MAP3K20: variants seen among roughly 807,000 people sequenced by gnomAD.
MAP3K20 encodes the protein HCCS-4.
In MAP3K20, 40 loss-of-function variants were observed where a neutral mutation model predicts 85.7. That is an observed-to-expected ratio of 0.47 (90% CI 0.36 to 0.61). The LOEUF is 0.61. Ranked by LOEUF, MAP3K20 falls within the 20% of genes least tolerant of loss-of-function variation. MAP3K20 has a pLI of 0.00. For missense variants in MAP3K20, 817 were observed against 961.7 expected (o/e 0.85, Z 1.99); for synonymous variants, 325 against 327.7 (o/e 0.99, Z 0.09).
At chr2:173,244,654 A>C (rs771494177) in intron 16 of MAP3K20, among the ~76,000 whole-genome samples, 1 of 152,188 alleles carries the variant, frequency 6.6e-6, no homozygotes, top group Non-Finnish European at 1.5e-5. Flanking sequence ...AAACCTATAT[A>C]AAACAGTCCT....
Position 173,214,095 on chromosome 2 carries a change from C to T in MAP3K20, c.852-3020C>T, listed in dbSNP as rs964901866. ...GGCAGAGCTTCCTCTACATACAGACCAGATGCAACTTGTATTTTTAGAAAA... is the reference window on the plus strand; with the variant it reads ...GGCAGAGCTTCCTCTACATACAGACTAGATGCAACTTGTATTTTTAGAAAA... On this transcript the variant is annotated intron_variant, in intron 10 of 19. Transcript: ENST00000375213. Among the ~76,000 whole-genome samples, 38 of 152,246 alleles carry T rather than the reference C, an allele frequency of 2.5e-4. 1 individual carries two copies. Among genetic ancestry groups the T allele is most frequent in the Non-Finnish European group, 2.1e-4 (14 of 68,016 alleles).
At chr2:173,136,245 G>T (rs138152234) in intron 2 of MAP3K20, among the ~76,000 whole-genome samples, 1 of 152,302 alleles carries the variant, frequency 6.6e-6, no homozygotes, top group East Asian at 1.9e-4. Flanking sequence ...TGGCACGGAG[G>T]AATGTGATTT....
rs755297753 is a variant in MAP3K20 at position 173,266,470 on chromosome 2, G to A, written c.2123G>A (p.Gly708Glu). The change falls in exon 20 of 20, where the codon GGA (glycine) becomes GAA (glutamate). Residue 708 changes from glycine (G) to glutamate (E), a missense_variant. This residue lies in a region of MAP3K20 where 454 missense variants were observed against 476.9 expected (regional missense o/e 0.95). Transcript: ENST00000375213. Reference protein sequence around the residue: ...GKSQHSTPSRGRYPGKFYRVS... With the variant: ...GKSQHSTPSRERYPGKFYRVS... The stretch of plus-strand genomic sequence containing the variant: ...AGTCAGCATTCCACTCCTTCAAGAG[G>A]AAGATACCCTGGAAAGTTCTACAGG... 1 of 1,614,114 alleles carries A rather than the reference G, an allele frequency of 6.2e-7. No homozygotes were observed. Among genetic ancestry groups the A allele is most frequent in the South Asian group, 1.1e-5 (1 of 91,080 alleles).
intron 2 of MAP3K20, among the ~76,000 whole-genome samples, chr2:173,110,223 ATATATATATATATATATATTTTTTTTTT>A (rs1340964582): frequency 2.4e-3 from 22 of 9,296 alleles, no homozygotes; most frequent in African/African-American, 7.6e-3. Flanking sequence ...ATATATATAT[ATATATATATATATATATATTTTTTTTTT>A]TTTTTTTTTT....
chr2:173,162,324 G>A (rs1288903848), intron 2 of MAP3K20, among the ~76,000 whole-genome samples: 4 of 152,140 alleles, frequency 2.6e-5, no homozygotes. Flanking sequence ...GGCTTCAGCT[G>A]AGTGACTGGA....
intron 2 of MAP3K20, among the ~76,000 whole-genome samples, chr2:173,141,258 CAT>C (rs758042283): frequency 4.6e-5 from 7 of 152,132 alleles, no homozygotes; most frequent in African/African-American, 1.2e-4. Flanking sequence ...TGAAGTAAAA[CAT>C]ATTAGACATG....
In MAP3K20 at chr2:173,265,944, G is replaced by C. The variant is rs927601163; in HGVS notation, c.1703-106G>C. The stretch of plus-strand genomic sequence containing the variant: ...GCCTAGAATTTCTATGAATGGTAAA[G>C]CTTAGAGCATCCCAAACAGCCCTGA... On this transcript the variant is annotated intron_variant, in intron 19 of 19. Transcript: ENST00000375213. 2.6e-6 allele frequency: 3 copies of C among 1,170,034 alleles called. No homozygotes were observed. In the African/African-American group the frequency reaches 4.7e-5, roughly 18 times the overall value. The allele number at this position is 1,170,034 out of a possible 1,614,324, so 72.5% of individuals were successfully genotyped here.
At chr2:173,165,838 A>T (rs4399689) in intron 2 of MAP3K20, among the ~76,000 whole-genome samples, 23,652 of 152,024 alleles carry the variant, frequency 0.16, 2,033 homozygotes, top group South Asian at 0.32. Flanking sequence ...CACCTGGCTA[A>T]TTTTTTATTT....
intron 2 of MAP3K20, among the ~76,000 whole-genome samples, chr2:173,119,810 G>A (rs1688229154): frequency 6.6e-6 from 1 of 152,148 alleles, no homozygotes; most frequent in Non-Finnish European, 1.5e-5. Context: ...ATGAGATGCA[G>A]TCCCAACAGT....
At chr2:173,184,816 G>C (rs1171262419) in intron 4 of MAP3K20, among the ~76,000 whole-genome samples, 1 of 151,796 alleles carries the variant, frequency 6.6e-6, no homozygotes, top group Admixed American at 6.6e-5. Context: ...TTGGGAGGCT[G>C]AGGCAAGAGA....
chr2:173,179,111 C>T (rs571529240), intron 3 of MAP3K20, among the ~76,000 whole-genome samples: 5 of 152,080 alleles, frequency 3.3e-5, no homozygotes, highest in Admixed American at 6.6e-5. Flanking sequence ...TAAGAAATAT[C>T]GGCCAGGCAC....
chr2:173,245,872 A>G (rs1041004503), intron 16 of MAP3K20, among the ~76,000 whole-genome samples: 2 of 152,208 alleles, frequency 1.3e-5, no homozygotes, highest in African/African-American at 4.8e-5. Context: ...GCAAGGTTGC[A>G]GTGAGCCAGG....
In MAP3K20 at chr2:173,232,334, G is replaced by C. The variant is rs1254769017; in HGVS notation, c.1078G>C (p.Glu360Gln). ...QLVRKGDSSAEMSVYASLFKE... is the reference protein window; with the variant it reads ...QLVRKGDSSAQMSVYASLFKE... ...ACTTCCTTCAGGTGACTCTTCAGCA[G>C]AGATGAGTGTATATGCAAGCTTGTT... The change falls in exon 14 of 20, where the codon GAG (glutamate) becomes CAG (glutamine). Residue 360 changes from glutamate to glutamine, a missense_variant. This residue lies in a region of MAP3K20 where 158 missense variants were observed against 162.0 expected (regional missense o/e 0.98). Coordinates refer to ENST00000375213, the MANE Select transcript of MAP3K20 (RefSeq NM_016653.3). The C allele has an allele frequency of 1.2e-6, 2 of 1,614,070 alleles. No homozygotes were observed. Among genetic ancestry groups the C allele is most frequent in the African/African-American group, 2.7e-5 (2 of 74,914 alleles).
intron 2 of MAP3K20, among the ~76,000 whole-genome samples, chr2:173,162,735 G>A (rs1398346335): frequency 2.6e-5 from 4 of 151,472 alleles, no homozygotes; most frequent in South Asian, 2.1e-4. Context: ...ATCAGGGTCC[G>A]TGGAGTAGTT....
At chr2:173,207,072 A>T (rs1574110113) in intron 9 of MAP3K20, among the ~76,000 whole-genome samples, 2 of 152,090 alleles carry the variant, frequency 1.3e-5, no homozygotes, top group South Asian at 4.2e-4. Flanking sequence ...GAAAGCTGAT[A>T]TTAGGTAAAT....
At chr2:173,193,157 T>C (rs1300653152) in intron 7 of MAP3K20, 1 of 152,220 alleles carries the variant, frequency 6.6e-6, no homozygotes, top group African/African-American at 2.4e-5. Flanking sequence ...ACTCCTTTAA[T>C]GTGCATGTGT....
chr2:173,148,283 T>C (rs943130873), intron 2 of MAP3K20, among the ~76,000 whole-genome samples: 13 of 152,340 alleles, frequency 8.5e-5, no homozygotes, highest in Non-Finnish European at 1.8e-4. Context: ...TTGGCCTCTG[T>C]ACTGAAATCT....
At chr2:173,081,961 C>T (rs967449886) in intron 1 of MAP3K20, among the ~76,000 whole-genome samples, 1 of 152,126 alleles carries the variant, frequency 6.6e-6, no homozygotes, top group Non-Finnish European at 1.5e-5. Flanking sequence ...GGTGATGGGT[C>T]ACTCACTACT....
chr2:173,259,328 G>A lies in MAP3K20; in HGVS notation c.1476+513G>A, dbSNP rs3769149. ...ACATGTTACTACTCCAGGGTCAATG[G>A]TGGAAGCATGTTGATGGAAGCATGC... On this transcript the variant is annotated intron_variant, in intron 17 of 19. Coordinates refer to ENST00000375213, the MANE Select transcript of MAP3K20 (RefSeq NM_016653.3). 3.5e-4 allele frequency among the ~76,000 whole-genome samples: 54 copies of A among 152,228 alleles called. No individual in the cohort carries two copies. The East Asian group carries it at 8.5e-3, about 24-fold the overall frequency.
Sources: gnomAD v4.1 joint callset for allele counts (sites outside exome capture counted in the v4.1 genomes callset) on GRCh38, gnomAD v4.1.1 for gene constraint, gnomAD v4.1.1 regional missense constraint, MANE v1.5 for transcripts, NCBI Gene and HGNC (gene_info 2026-07-23, HGNC 2026-07-21) for gene names.